The following BMPR1B variants were observed in gnomAD, a reference collection of about 807,000 sequenced individuals.
The protein encoded by BMPR1B is bone morphogenetic protein receptor type 1B, also known as bone morphogenetic protein receptor type-1B.
In BMPR1B, 12 loss-of-function variants were observed where a neutral mutation model predicts 59.1. The ratio of observed to expected loss-of-function variants is 0.20; its 90% CI spans 0.13 to 0.33. The LOEUF (loss-of-function observed/expected upper bound fraction) is 0.33. Ranked by LOEUF, BMPR1B falls within the 10% of genes least tolerant of loss-of-function variation. The probability of loss-of-function intolerance (pLI) is 1.00; values close to 1 mark genes in which losing one functional copy is unlikely to be tolerated. For synonymous variants in BMPR1B, 237 were observed against 207.3 expected, an observed-to-expected ratio of 1.14 and a Z score of -1.23; for missense variants, 550 against 610.9, an observed-to-expected ratio of 0.90 and a Z score of 1.05.
intron 1 of BMPR1B, among the ~76,000 whole-genome samples, chr4:94,873,275 G>T (rs1726573762): frequency 6.6e-6 from 1 of 152,164 alleles, no homozygotes; most frequent in Middle Eastern, 3.4e-3. Flanking sequence ...TCTATTAGGT[G>T]GTTGTTTACC....
chr4:94,801,932 C>A (rs1193582290), intron 1 of BMPR1B, among the ~76,000 whole-genome samples: 1 of 152,106 alleles, frequency 6.6e-6, no homozygotes, highest in African/African-American at 2.4e-5. Flanking sequence ...TTTTCTCTTT[C>A]CACTGTGAGA....
intron 2 of BMPR1B, among the ~76,000 whole-genome samples, chr4:94,940,737 T>C (rs1729479771): frequency 6.6e-6 from 1 of 152,196 alleles, no homozygotes; most frequent in Non-Finnish European, 1.5e-5. Flanking sequence ...TTGAATGTAT[T>C]ACCAAGCTCT....
intron 1 of BMPR1B, among the ~76,000 whole-genome samples, chr4:94,759,502 C>CA (rs1185875256): frequency 6.6e-6 from 1 of 152,218 alleles, no homozygotes; most frequent in Non-Finnish European, 1.5e-5. Flanking sequence ...TGTTTTCTTA[C>CA]ATATATTTTT....
chr4:94,901,660 A>C (rs1727813574), intron 2 of BMPR1B, among the ~76,000 whole-genome samples: 1 of 151,918 alleles, frequency 6.6e-6, no homozygotes, highest in African/African-American at 2.4e-5. Context: ...ATCCCTTTAA[A>C]CCCGTCAAAT....
At chr4:95,015,517 C>T (rs564336627) in intron 3 of BMPR1B, among the ~76,000 whole-genome samples, 1 of 152,232 alleles carries the variant, frequency 6.6e-6, no homozygotes, top group Admixed American at 6.5e-5. Context: ...TCCCAAGTAG[C>T]TGTGACTACA....
intron 3 of BMPR1B, among the ~76,000 whole-genome samples, chr4:95,049,904 A>T (rs540978328): frequency 1.3e-5 from 2 of 152,198 alleles, no homozygotes; most frequent in Middle Eastern, 3.4e-3. Context: ...ATGGTTGCTG[A>T]TATGAGTTCT....
chr4:95,017,165 G>A (rs180968366), intron 3 of BMPR1B, among the ~76,000 whole-genome samples: 4 of 152,136 alleles, frequency 2.6e-5, no homozygotes, highest in African/African-American at 9.7e-5. Context: ...TGAGGAATTT[G>A]CAAGGTTTCT....
chr4:95,147,239 G>C (rs1734717202), intron 10 of BMPR1B, among the ~76,000 whole-genome samples: 1 of 152,034 alleles, frequency 6.6e-6, no homozygotes, highest in African/African-American at 2.4e-5. Flanking sequence ...ATTCTAGCCG[G>C]AAGTGACTTT....
Position 94,759,983 on chromosome 4 carries a change from AGT to A in BMPR1B, c.-183+1920_-183+1921del, listed in dbSNP as rs1204164976. 2.6e-5 allele frequency among the ~76,000 whole-genome samples: 4 copies of A among 152,286 alleles called. No individual in the cohort carries two copies. In the East Asian group the frequency reaches 7.7e-4, roughly 29 times the overall value. On this transcript the variant is annotated intron_variant, in intron 1 of 12. Coordinates refer to ENST00000515059, the MANE Select transcript of BMPR1B (RefSeq NM_001203.3). Reference sequence around the variant, plus strand: ...GGCCTAGAGCTACAAAACTTGATACAGTGTGTTATTTGTCCAATCTGAATTAC... The same window carrying A: ...GGCCTAGAGCTACAAAACTTGATACAGTGTTATTTGTCCAATCTGAATTAC...
intron 3 of BMPR1B, among the ~76,000 whole-genome samples, chr4:95,082,680 GTAA>G: frequency 6.6e-6 from 1 of 152,188 alleles, no homozygotes; most frequent in East Asian, 1.9e-4. Context: ...TTTTATTAAC[GTAA>G]TATTCAGTAC....
intron 3 of BMPR1B, among the ~76,000 whole-genome samples, chr4:95,054,554 C>T (rs553625223): frequency 6.6e-6 from 1 of 152,098 alleles, no homozygotes; most frequent in Non-Finnish European, 1.5e-5. Flanking sequence ...TTAATTTCTA[C>T]TTGAAATGGA....
At chr4:95,011,109 C>T (rs1301529231) in intron 3 of BMPR1B, among the ~76,000 whole-genome samples, 6 of 150,954 alleles carry the variant, frequency 4.0e-5, no homozygotes, top group African/African-American at 1.2e-4. Flanking sequence ...ATTTTAGATT[C>T]GGGAGTACAT....
intron 2 of BMPR1B, among the ~76,000 whole-genome samples, chr4:94,977,653 T>C (rs1468366753): frequency 2.0e-5 from 3 of 152,106 alleles, no homozygotes; most frequent in Non-Finnish European, 4.4e-5. Context: ...GGTCAGGAGT[T>C]TGAGACCAGC....
chr4:94,917,074 G>A (rs73836199), intron 2 of BMPR1B, among the ~76,000 whole-genome samples: 2,984 of 152,360 alleles, frequency 0.02, 99 homozygotes, highest in African/African-American at 0.067. Context: ...TGCCCAGAAC[G>A]AAAGAGTGAA....
chr4:95,147,906 C>G (rs868107695), intron 10 of BMPR1B, among the ~76,000 whole-genome samples: 1 of 152,114 alleles, frequency 6.6e-6, no homozygotes, highest in African/African-American at 2.4e-5. Flanking sequence ...AGCAATGGTT[C>G]CCAAGTGCCA....
At chr4:94,860,596 T>C (rs1725938881) in intron 1 of BMPR1B, among the ~76,000 whole-genome samples, 1 of 152,304 alleles carries the variant, frequency 6.6e-6, no homozygotes, top group South Asian at 2.1e-4. Context: ...CCAGGCATAT[T>C]CTGTTTTTTA....
At chr4:94,994,194 G>A (rs1721919590) in intron 2 of BMPR1B, among the ~76,000 whole-genome samples, 1 of 152,178 alleles carries the variant, frequency 6.6e-6, no homozygotes, top group African/African-American at 2.4e-5. Flanking sequence ...TAAAACCCAA[G>A]TTTGTCAACC....
At chr4:95,140,421 A>C (rs1354730658) in intron 10 of BMPR1B, among the ~76,000 whole-genome samples, 1 of 152,110 alleles carries the variant, frequency 6.6e-6, no homozygotes, top group Non-Finnish European at 1.5e-5. Context: ...CTTTTGCGAA[A>C]CTGAGCTGCT....
At chr4:95,071,962 A>G (rs1044687598) in intron 3 of BMPR1B, among the ~76,000 whole-genome samples, 2 of 152,034 alleles carry the variant, frequency 1.3e-5, no homozygotes, top group South Asian at 2.1e-4. Flanking sequence ...GAGATTTATT[A>G]TAAGGAATTG....
Sources: gnomAD v4.1 joint callset for allele counts (sites outside exome capture counted in the v4.1 genomes callset) on GRCh38, gnomAD v4.1.1 for gene constraint, MANE v1.5 for transcripts, NCBI Gene and HGNC (gene_info 2026-07-23, HGNC 2026-07-21) for gene names.